DPP10: variants seen among roughly 807,000 people sequenced by gnomAD.
DPP10 encodes dipeptidyl peptidase like 10, also known as inactive dipeptidyl peptidase 10.
Under a neutral mutation model 120.9 loss-of-function variants are expected in DPP10, and 33 were observed. That is an observed-to-expected ratio of 0.27 (90% CI 0.21 to 0.37). DPP10 has a LOEUF of 0.37. Among genes scored for constraint, DPP10 ranks in the 10% least tolerant of loss-of-function variants. The pLI, the probability that DPP10 is intolerant of heterozygous loss-of-function variation, is 1.00. For missense variants in DPP10, 816 were observed against 942.8 expected (o/e 0.87, Z 1.76); for synonymous variants, 337 against 326.1 (o/e 1.03, Z -0.36).
At chr2:114,811,680 T>C (rs567683225) in intron 1 of DPP10, among the ~76,000 whole-genome samples, 2 of 151,938 alleles carry the variant, frequency 1.3e-5, no homozygotes, top group East Asian at 3.9e-4. Context: ...CATCACCCCT[T>C]ACTCCACCAC....
At chr2:115,436,402 T>G (rs544889035) in intron 3 of DPP10, among the ~76,000 whole-genome samples, 8 of 151,196 alleles carry the variant, frequency 5.3e-5, no homozygotes, top group African/African-American at 1.5e-4. Context: ...GCAAAAAGAT[T>G]TTTTTTTTAA....
In DPP10 at chr2:115,205,570, G is replaced by A. The variant is rs542584124; in HGVS notation, c.61-103669G>A. On this transcript the variant is annotated intron_variant, in intron 1 of 25. Transcript: ENST00000410059. ...ATAATTTGCTCTACCAAAAAGACACGTGCATATGTATATTCATCACAGCAT... is the reference window on the plus strand; with the variant it reads ...ATAATTTGCTCTACCAAAAAGACACATGCATATGTATATTCATCACAGCAT... 5.9e-5 allele frequency among the ~76,000 whole-genome samples: 9 copies of A among 152,128 alleles called. No homozygotes were observed. The South Asian group carries it at 8.3e-4, about 14-fold the overall frequency.
intron 1 of DPP10, among the ~76,000 whole-genome samples, chr2:114,818,124 A>AAG (rs148498092): frequency 9.9e-5 from 15 of 151,384 alleles, no homozygotes; most frequent in East Asian, 5.8e-4. Context: ...ACTGCCCAAA[A>AAG]AGAGAGAGAG....
chr2:115,822,904 G>T (rs17045124), intron 21 of DPP10, among the ~76,000 whole-genome samples: 1,962 of 151,750 alleles, frequency 0.013, 45 homozygotes, highest in African/African-American at 0.043. Flanking sequence ...GTGACTAATG[G>T]TTTTCTATAT....
intron 5 of DPP10, among the ~76,000 whole-genome samples, chr2:115,561,851 A>C (rs1278673151): frequency 6.6e-6 from 1 of 152,140 alleles, no homozygotes; most frequent in East Asian, 1.9e-4. Flanking sequence ...GCCGCTTCTC[A>C]ACTTGCCCCA....
intron 1 of DPP10, among the ~76,000 whole-genome samples, chr2:115,183,919 A>G (rs1174594695): frequency 2.0e-5 from 3 of 152,268 alleles, no homozygotes; most frequent in South Asian, 2.1e-4. Flanking sequence ...GGGGGCCTCT[A>G]AAAGTGTCCA....
intron 21 of DPP10, among the ~76,000 whole-genome samples, chr2:115,823,046 T>C (rs1460467559): frequency 6.6e-6 from 1 of 152,106 alleles, no homozygotes; most frequent in African/African-American, 2.4e-5. Context: ...TTATCTGATA[T>C]TTTACATCTT....
chr2:114,633,993 T>C (rs1695134399), intron 1 of DPP10, among the ~76,000 whole-genome samples: 1 of 151,886 alleles, frequency 6.6e-6, no homozygotes, highest in Non-Finnish European at 1.5e-5. Context: ...TACTATTAAA[T>C]TTACTGAGTG....
rs182111485 is a variant in DPP10, at chr2:115,665,804, T to C, written c.442-23883T>C. Among the ~76,000 whole-genome samples the C allele has an allele frequency of 1.3e-3, 199 of 152,300 alleles. 1 individual carries two copies. The highest frequency in any genetic ancestry group is 4.3e-3 in the African/African-American group (178 of 41,560). On this transcript the variant is annotated intron_variant, in intron 5 of 25. Transcript: ENST00000410059. Reference sequence around the variant, plus strand: ...TTCAAGCTTACCATTTTTTTAATGGTGATATCGAATCTACTACCAATCAGT... The same window carrying C: ...TTCAAGCTTACCATTTTTTTAATGGCGATATCGAATCTACTACCAATCAGT...
chr2:114,889,045 G>A lies in DPP10; in HGVS notation c.61-420194G>A, dbSNP rs570625219. 2.6e-5 allele frequency among the ~76,000 whole-genome samples: 4 copies of A among 152,276 alleles called. 1 individual carries two copies. In the South Asian group the frequency reaches 6.2e-4, roughly 24 times the overall value. On this transcript the variant is annotated intron_variant, in intron 1 of 25. Coordinates refer to ENST00000410059, the MANE Select transcript of DPP10 (RefSeq NM_020868.6). ...ATATGACTGGTGTCTTTACGAGAAG[G>A]CATTAGGATGCAGACACAAAGGGGA... is the stretch of plus-strand genomic sequence containing the variant.
chr2:114,460,650 A>G (rs1678852297), intron 1 of DPP10, among the ~76,000 whole-genome samples: 1 of 152,016 alleles, frequency 6.6e-6, no homozygotes, highest in Non-Finnish European at 1.5e-5. Flanking sequence ...TTATAGGACT[A>G]TTTTCTTTTG....
At chr2:115,409,648 A>G (rs2068791157) in intron 3 of DPP10, among the ~76,000 whole-genome samples, 1 of 152,222 alleles carries the variant, frequency 6.6e-6, no homozygotes, top group Non-Finnish European at 1.5e-5. Context: ...TGATCCAGCA[A>G]TCCCACTATT....
At chr2:115,295,215 G>T (rs1216439300) in intron 1 of DPP10, among the ~76,000 whole-genome samples, 1 of 151,992 alleles carries the variant, frequency 6.6e-6, no homozygotes, top group Non-Finnish European at 1.5e-5. Flanking sequence ...ACACTGACTG[G>T]CTTTGAGGCG....
At chr2:114,512,976 TTACTGCTTGGAA>T (rs1684270529) in intron 1 of DPP10, among the ~76,000 whole-genome samples, 1 of 152,070 alleles carries the variant, frequency 6.6e-6, no homozygotes, top group Non-Finnish European at 1.5e-5. Context: ...GAGTTGCATT[TTACTGCTTGGAA>T]TACCTTTTAA....
At chr2:115,549,652 A>G (rs549078529) in intron 5 of DPP10, among the ~76,000 whole-genome samples, 1 of 152,104 alleles carries the variant, frequency 6.6e-6, no homozygotes, top group Non-Finnish European at 1.5e-5. Flanking sequence ...TAGCCAATGT[A>G]TCTTACTTCC....
intron 1 of DPP10, among the ~76,000 whole-genome samples, chr2:114,928,043 C>T (rs1049950936): frequency 6.6e-6 from 1 of 152,188 alleles, no homozygotes; most frequent in Non-Finnish European, 1.5e-5. Flanking sequence ...GACCCAAACA[C>T]CTCCCATGAG....
intron 3 of DPP10, among the ~76,000 whole-genome samples, chr2:115,385,394 C>T (rs572222167): frequency 6.7e-5 from 10 of 149,764 alleles, no homozygotes; most frequent in South Asian, 2.1e-4. Flanking sequence ...TCGCTCTTGT[C>T]GCCCAGGCTG....
intron 7 of DPP10, among the ~76,000 whole-genome samples, chr2:115,695,027 C>G (rs889835747): frequency 2.0e-5 from 3 of 152,196 alleles, no homozygotes; most frequent in Admixed American, 6.5e-5. Flanking sequence ...ACAAGCTCCT[C>G]TCCCTCCAGC....
intron 1 of DPP10, among the ~76,000 whole-genome samples, chr2:114,747,965 C>G (rs1340037714): frequency 1.3e-5 from 2 of 152,156 alleles, no homozygotes; most frequent in African/African-American, 4.8e-5. Flanking sequence ...ACTGGCCCCC[C>G]ATGAAATTGA....
Sources: allele counts gnomAD v4.1 joint callset (sites outside exome capture counted in the v4.1 genomes callset), GRCh38; gene constraint gnomAD v4.1.1; transcripts MANE v1.5; gene names NCBI Gene and HGNC (gene_info 2026-07-23, HGNC 2026-07-21).